UTRN: variants seen among roughly 807,000 people sequenced by gnomAD.
The protein encoded by UTRN is utrophin, also known as dystrophin-related protein 1.
Under a neutral mutation model 463.9 loss-of-function variants are expected in UTRN, and 283 were observed. That is an observed-to-expected ratio of 0.61 (90% CI 0.55 to 0.67). UTRN has a LOEUF of 0.67. Among genes scored for constraint, UTRN ranks in the 30% least tolerant of loss-of-function variants. The probability of loss-of-function intolerance (pLI) is 0.00; values close to 1 mark genes in which losing one functional copy is unlikely to be tolerated. For missense variants in UTRN, 3,922 were observed against 4,084.3 expected (o/e 0.96, Z 1.08); for synonymous variants, 1,442 against 1,431.5 (o/e 1.01, Z -0.17).
chr6:144,537,952 A>G (rs1294767732), intron 44 of UTRN, among the ~76,000 whole-genome samples: 2 of 152,226 alleles, frequency 1.3e-5, no homozygotes, highest in African/African-American at 2.4e-5. Context: ...TCAGTATTAG[A>G]CCAAAGGTTT....
chr6:144,651,720 A>T (rs553778261), intron 51 of UTRN, among the ~76,000 whole-genome samples: 50 of 152,362 alleles, frequency 3.3e-4, no homozygotes, highest in African/African-American at 1.2e-3. Context: ...CCTGAACTAC[A>T]TATAGTCTTT....
At chr6:144,739,188 C>T (rs541082520) in intron 54 of UTRN, among the ~76,000 whole-genome samples, 2 of 152,076 alleles carry the variant, frequency 1.3e-5, no homozygotes, top group South Asian at 4.2e-4. Context: ...TTTTAGAAAG[C>T]CAAGTATTAA....
At chr6:144,712,395 T>A (rs1304505505) in intron 53 of UTRN, among the ~76,000 whole-genome samples, 1 of 152,214 alleles carries the variant, frequency 6.6e-6, no homozygotes, top group Admixed American at 6.5e-5. Context: ...GACAGCCTAA[T>A]AGGTGTCACT....
In UTRN at chr6:144,516,822, G is replaced by A; in HGVS notation, c.5415G>A (p.Glu1805=). 1.4e-6 allele frequency: 2 copies of A among 1,479,486 alleles called. No individual in the cohort carries two copies. The highest frequency in any genetic ancestry group is 1.5e-5 in the South Asian group (1 of 66,868). The allele number at this position is 1,479,486 out of a possible 1,614,324, so 91.6% of individuals were successfully genotyped here. A position where few individuals can be genotyped will look rare whatever the true frequency, so the allele number is the denominator to read the frequency against. ...SSDEDEKMDE[E]SAQIEEVLQR... is the part of the protein sequence containing the mutation. ...TTTTAAAAATTTAGATGGATGAGGA[G>A]AGTGCCCAGATTGAGGAAGTTCTAC... The change falls in exon 39 of 75, where the codon GAG becomes GAA. Residue 1805 remains glutamate (E), a synonymous_variant. Transcript: ENST00000367545.
chr6:144,335,651 C>A (rs747454014), intron 2 of UTRN, among the ~76,000 whole-genome samples: 2 of 152,194 alleles, frequency 1.3e-5, no homozygotes, highest in Non-Finnish European at 2.9e-5. Flanking sequence ...CTATCAGCTG[C>A]CTGGCTCTCT....
chr6:144,672,113 A>G (rs779136826), intron 51 of UTRN, among the ~76,000 whole-genome samples: 1 of 151,864 alleles, frequency 6.6e-6, no homozygotes, highest in Non-Finnish European at 1.5e-5. Flanking sequence ...ATTGGTCTGT[A>G]GTTTTCTTTT....
intron 6 of UTRN, among the ~76,000 whole-genome samples, chr6:144,426,058 T>C (rs751916436): frequency 2.0e-5 from 3 of 152,130 alleles, no homozygotes; most frequent in Non-Finnish European, 4.4e-5. Flanking sequence ...AACACAGTAA[T>C]GTATAAAAGT....
rs1792830583 is a variant in UTRN, at chr6:144,762,571, A to G, written c.8495+4582A>G. On this transcript the variant is annotated intron_variant, in intron 58 of 74. Transcript: ENST00000367545. ...GAGGATCTATTTTCTAGATGTTTAA[A>G]GCAGTTTCACACTGTGGTCTGGTAA... 2.0e-5 allele frequency among the ~76,000 whole-genome samples: 3 copies of G among 152,216 alleles called. No individual in the cohort carries two copies. The South Asian group carries it at 6.2e-4, about 32-fold the overall frequency.
intron 34 of UTRN, among the ~76,000 whole-genome samples, chr6:144,508,239 G>T (rs1463495861): frequency 6.6e-6 from 1 of 151,412 alleles, no homozygotes; most frequent in Non-Finnish European, 1.5e-5. Context: ...CTTTCCAGGG[G>T]AGTGAATGGT....
rs374204014 is a variant in UTRN, at chr6:144,456,015, A to T, written c.2284+2146A>T. Among the ~76,000 whole-genome samples, 13 of 152,280 alleles carry T rather than the reference A, an allele frequency of 8.5e-5. No individual in the cohort carries two copies. The East Asian group carries it at 2.5e-3, about 29-fold the overall frequency. On this transcript the variant is annotated intron_variant, in intron 19 of 74. Transcript: ENST00000367545. ...TAGGAAACCTTTTATAGTTTGTATT[A>T]TCATGTTTTTTCAAGCATTGGTGGA... is the stretch of plus-strand genomic sequence containing the variant.
intron 50 of UTRN, among the ~76,000 whole-genome samples, chr6:144,566,239 T>C (rs1022189940): frequency 3.3e-5 from 5 of 152,046 alleles, no homozygotes; most frequent in Admixed American, 3.3e-4. Context: ...AAGTTGGAGG[T>C]AGGACTAAGA....
chr6:144,655,701 ATACT>A (rs1357290849), intron 51 of UTRN, among the ~76,000 whole-genome samples: 15 of 152,184 alleles, frequency 9.9e-5, no homozygotes, highest in Non-Finnish European at 1.9e-4. Flanking sequence ...CATAGAAAAC[ATACT>A]TGATCTTTAC....
Position 144,461,283 on chromosome 6 carries a change from G to A in UTRN, c.2794G>A (p.Val932Met), listed in dbSNP as rs138910523. The change falls in exon 22 of 75, where the codon GTG (valine) becomes ATG (methionine). Residue 932 changes from valine (V) to methionine (M), a missense_variant. Val to Met is a conservative substitution (Grantham distance 21). This residue lies in a region of UTRN where 2,349 missense variants were observed against 2,303.8 expected (regional missense o/e 1.02). Coordinates refer to ENST00000367545, the MANE Select transcript of UTRN (RefSeq NM_007124.3). ...AAATGATTCAGAAAATAAGGCCCAG[G>A]TGTCTCTGAATGTCCTTAATGATCT... ...VLNDSENKAQ[V>M]SLNVLNDLAK... 53 of 1,606,662 alleles carry A rather than the reference G, an allele frequency of 3.3e-5. No homozygotes were observed. Among genetic ancestry groups the A allele is most frequent in the Non-Finnish European group, 4.2e-5 (49 of 1,175,432 alleles).
chr6:144,595,271 G>T (rs1260059504), intron 51 of UTRN, among the ~76,000 whole-genome samples: 1 of 152,176 alleles, frequency 6.6e-6, no homozygotes, highest in Non-Finnish European at 1.5e-5. Context: ...CAGAGCTGGA[G>T]TATTATGGAA....
chr6:144,426,211 C>G (rs1338747990), intron 6 of UTRN, 76 bp from the exon 7 acceptor site: 2 of 1,507,922 alleles, frequency 1.3e-6, no homozygotes, highest in Non-Finnish European at 8.9e-7. Context: ...ATTGCTTTTT[C>G]AAGGACTTCA....
intron 50 of UTRN, among the ~76,000 whole-genome samples, chr6:144,563,761 C>T (rs1800140454): frequency 6.6e-6 from 1 of 151,998 alleles, no homozygotes; most frequent in African/African-American, 2.4e-5. Context: ...AAATTATAGT[C>T]TTCTATATTT....
Position 144,852,389 on chromosome 6 carries a change from T to G in UTRN, c.*1392T>G, listed in dbSNP as rs973266043. ...AAAGGTGAAAATAATATGTTTTGATTCAAACCTAAAGACATAAAAACATAA... is the reference window on the plus strand; with the variant it reads ...AAAGGTGAAAATAATATGTTTTGATGCAAACCTAAAGACATAAAAACATAA... On this transcript the variant is annotated 3_prime_UTR_variant, in exon 75 of 75. Transcript: ENST00000367545. 8 of 152,250 alleles carry G rather than the reference T, an allele frequency of 5.3e-5. No individual in the cohort carries two copies. The highest frequency in any genetic ancestry group is 2.6e-4 in the Admixed American group (4 of 15,258). The allele number at this position is 152,250 out of a possible 1,614,324, so 9.4% of individuals were successfully genotyped here. A position where few individuals can be genotyped will look rare whatever the true frequency, so the allele number is the denominator to read the frequency against.
At chr6:144,474,464 A>G (rs962692620) in intron 24 of UTRN, 140 bp from the exon 25 acceptor site, 2 of 891,252 alleles carry the variant, frequency 2.2e-6, no homozygotes, top group Non-Finnish European at 3.2e-6. Context: ...CTTAAGGCAC[A>G]ATATTTCTTA....
intron 51 of UTRN, among the ~76,000 whole-genome samples, chr6:144,631,235 GAGGT>G (rs1396454573): frequency 5.5e-5 from 6 of 108,624 alleles, no homozygotes; most frequent in African/African-American, 1.8e-4. Context: ...GTGAGAGAGA[GAGGT>G]GTGTGTGTGT....
Sources: gnomAD v4.1 joint callset for allele counts (sites outside exome capture counted in the v4.1 genomes callset) on GRCh38, gnomAD v4.1.1 for gene constraint, gnomAD v4.1.1 regional missense constraint, MANE v1.5 for transcripts, NCBI Gene and HGNC (gene_info 2026-07-23, HGNC 2026-07-21) for gene names.